CSPP1: variants seen among roughly 807,000 people sequenced by gnomAD.
The protein encoded by CSPP1 is centrosome and spindle pole-associated protein 1.
Under a neutral mutation model 164.4 loss-of-function variants are expected in CSPP1, and 126 were observed. The ratio of observed to expected loss-of-function variants is 0.77; its 90% confidence interval spans 0.66 to 0.89. The LOEUF is 0.89. Among genes scored for constraint, CSPP1 ranks in the 40% least tolerant of loss-of-function variants. CSPP1 has a pLI of 0.00. For synonymous variants in CSPP1, 472 were observed against 476.7 expected (o/e 0.99, Z 0.13); for missense variants, 1,395 against 1,449.8 (o/e 0.96, Z 0.61).
At position 67,153,332 on chromosome 8, in the gene CSPP1, A is replaced by T. The variant is rs1349903399; in HGVS notation, c.2129-692A>T. On this transcript the variant is annotated intron_variant, in intron 18 of 30. Transcript: ENST00000678616. The stretch of plus-strand genomic sequence containing the variant: ...TTTTTTCCCATCTGCATTCAAAGAG[A>T]CTCTAAGGGTATAATTGTTTTTCGA... Among the ~76,000 whole-genome samples the T allele has an allele frequency of 2.4e-4, 36 of 152,052 alleles. 1 individual carries two copies. Among genetic ancestry groups the T allele is most frequent in the Admixed American group, 2.4e-3 (36 of 15,260 alleles).
rs569191136 is a variant in CSPP1 at position 67,074,124 on chromosome 8, T to A, written c.-10-119T>A. 8 of 604,592 alleles carry A rather than the reference T, an allele frequency of 1.3e-5. No homozygotes were observed. The South Asian group carries it at 2.0e-4, about 15-fold the overall frequency. 37.5% of individuals were successfully genotyped at this position (604,592 alleles called of 1,614,324 possible). A position where few individuals can be genotyped will look rare whatever the true frequency, so the allele number is the denominator to read the frequency against. On this transcript the variant is annotated intron_variant, in intron 1 of 30. Coordinates refer to ENST00000678616, the MANE Select transcript of CSPP1 (RefSeq NM_001382391.1). ...AGGCATATTTATGATCAATCTTAAG[T>A]TTGAATTTCTCAATTTGATAAGTGA...
At chr8:67,112,522 C>T (rs1817068918) in intron 10 of CSPP1, among the ~76,000 whole-genome samples, 1 of 152,136 alleles carries the variant, frequency 6.6e-6, no homozygotes, top group Non-Finnish European at 1.5e-5. Context: ...TCTTCATTTT[C>T]TATTAATAGC....
chr8:67,141,103 T>C (rs1392688403), intron 17 of CSPP1, among the ~76,000 whole-genome samples: 1 of 152,192 alleles, frequency 6.6e-6, no homozygotes, highest in Non-Finnish European at 1.5e-5. Context: ...GAGTGAAACA[T>C]TGGAAAACAT....
In CSPP1 at chr8:67,175,367, C is replaced by G. The variant is rs374717800; in HGVS notation, c.3040C>G (p.Gln1014Glu). The change falls in exon 26 of 31, where the codon CAG becomes GAG. Residue 1014 changes from glutamine (Q) to glutamate (E), a missense_variant. Transcript: ENST00000678616. ...AAGAGATCATCACACCTTAGAGATT[C>G]AGCAGCAAGCCCTGCTAAGAGAGCA... ...PPRDHHTLEIQQQALLREQQK... is the reference protein window; with the variant it reads ...PPRDHHTLEIEQQALLREQQK... 5.0e-6 allele frequency: 8 copies of G among 1,613,846 alleles called. No individual in the cohort carries two copies. Among genetic ancestry groups the G allele is most frequent in the African/African-American group, 2.7e-5 (2 of 74,918 alleles).
intron 7 of CSPP1, among the ~76,000 whole-genome samples, chr8:67,102,211 C>T (rs1365503915): frequency 6.6e-6 from 1 of 152,052 alleles, no homozygotes; most frequent in Non-Finnish European, 1.5e-5. Flanking sequence ...AACATTTATT[C>T]TTTCCTGTGA....
chr8:67,172,660 A>G (rs1421068105), intron 25 of CSPP1, 105 bp downstream of exon 25: 8 of 963,484 alleles, frequency 8.3e-6, no homozygotes, highest in South Asian at 2.1e-5. Flanking sequence ...AATTTTATCT[A>G]TGGTATGTAT....
At position 67,164,478 on chromosome 8, in the gene CSPP1, A is replaced by G; in HGVS notation, c.2798A>G (p.His933Arg). 1 of 1,585,912 alleles carries G rather than the reference A, an allele frequency of 6.3e-7. No homozygotes were observed. Among genetic ancestry groups the G allele is most frequent in the South Asian group, 1.1e-5 (1 of 90,238 alleles). ...EERRLQERLL[H>R]MDSDDEIPIR... ...AGGCGTCTACAAGAGCGATTGCTAC[A>G]CATGGACAGTGATGATGAAATTCCT... The change falls in exon 24 of 31, where the codon CAC becomes CGC. Residue 933 changes from histidine (H) to arginine (R), a missense_variant. Coordinates refer to ENST00000678616, the MANE Select transcript of CSPP1 (RefSeq NM_001382391.1).
intron 24 of CSPP1, among the ~76,000 whole-genome samples, chr8:67,166,479 A>G (rs184131100): frequency 8.3e-4 from 126 of 152,262 alleles, no homozygotes; most frequent in Middle Eastern, 6.8e-3. Context: ...TTTTGTTTGT[A>G]TTCTCCAGGA....
chr8:67,108,858 T>C (rs1816224560), intron 9 of CSPP1, among the ~76,000 whole-genome samples: 1 of 152,226 alleles, frequency 6.6e-6, no homozygotes, highest in Non-Finnish European at 1.5e-5. Flanking sequence ...TATAAGAGTG[T>C]GGGATACTGG....
intron 3 of CSPP1, among the ~76,000 whole-genome samples, chr8:67,081,731 T>C (rs184774922): frequency 3.3e-5 from 5 of 152,326 alleles, no homozygotes; most frequent in Admixed American, 2.0e-4. Flanking sequence ...TCTTAAAACA[T>C]GTAGTTTCTC....
chr8:67,196,050 T>C lies in CSPP1; in HGVS notation c.*457T>C, dbSNP rs184004179. The C allele has an allele frequency of 7.8e-6, 1 of 127,808 alleles. No homozygotes were observed. Among genetic ancestry groups the C allele is most frequent in the East Asian group, 2.0e-4 (1 of 5,068 alleles). 7.9% of individuals were successfully genotyped at this position (127,808 alleles called of 1,614,324 possible). The stretch of plus-strand genomic sequence containing the variant: ...CTGTGTGATGCAATCAAATGTCCTA[T>C]TAATTAATTATTATTTCATGTCATT... On this transcript the variant is annotated 3_prime_UTR_variant, in exon 31 of 31. Coordinates refer to ENST00000678616, the MANE Select transcript of CSPP1 (RefSeq NM_001382391.1).
rs1231688896 is a variant in CSPP1, at chr8:67,064,510, A to G, written c.-39A>G. 1 of 1,613,106 alleles carries G rather than the reference A, an allele frequency of 6.2e-7. No individual in the cohort carries two copies. The highest frequency in any genetic ancestry group is 1.3e-5 in the African/African-American group (1 of 74,898). Reference sequence around the variant, plus strand: ...CCGCTCCCCTGAGTAAGAGTCAGCCAGCCGCGGATGGGGAGCGTGAGTGGC... The same window carrying G: ...CCGCTCCCCTGAGTAAGAGTCAGCCGGCCGCGGATGGGGAGCGTGAGTGGC... On this transcript the variant is annotated 5_prime_UTR_variant, in exon 1 of 31. Transcript: ENST00000678616.
At chr8:67,074,565 C>T (rs1237972400) in intron 2 of CSPP1, among the ~76,000 whole-genome samples, 1 of 152,038 alleles carries the variant, frequency 6.6e-6, no homozygotes, top group Admixed American at 6.6e-5. Flanking sequence ...TCTCTTATCT[C>T]TTGTTGAAGA....
intron 28 of CSPP1, among the ~76,000 whole-genome samples, chr8:67,187,086 A>G (rs1202669624): frequency 2.0e-5 from 3 of 152,154 alleles, no homozygotes; most frequent in Non-Finnish European, 2.9e-5. Context: ...AAATAAATGG[A>G]GATATATTTC....
At chr8:67,077,323 T>C (rs1808152839) in intron 3 of CSPP1, among the ~76,000 whole-genome samples, 1 of 151,444 alleles carries the variant, frequency 6.6e-6, no homozygotes, top group African/African-American at 2.4e-5. Context: ...CCAGTCTGTA[T>C]GAATATATAT....
At chr8:67,129,726 T>C (rs570408096) in intron 15 of CSPP1, among the ~76,000 whole-genome samples, 1 of 152,346 alleles carries the variant, frequency 6.6e-6, no homozygotes, top group East Asian at 1.9e-4. Flanking sequence ...ATGAACCTTA[T>C]AAATGTTATG....
intron 3 of CSPP1, among the ~76,000 whole-genome samples, chr8:67,080,300 A>G (rs1388263629): frequency 6.6e-6 from 1 of 152,256 alleles, no homozygotes; most frequent in Non-Finnish European, 1.5e-5. Flanking sequence ...AGTGATATAT[A>G]AACTGGACAT....
In CSPP1 at chr8:67,095,318, C is replaced by A. The variant is rs762548335; in HGVS notation, c.509C>A (p.Pro170His). The A allele has an allele frequency of 8.9e-6, 14 of 1,571,556 alleles. No homozygotes were observed. Among genetic ancestry groups the A allele is most frequent in the Non-Finnish European group, 1.1e-5 (13 of 1,167,140 alleles). The change falls in exon 7 of 31, where the codon CCT becomes CAT. Residue 170 changes from proline (P) to histidine (H), a missense_variant. Physicochemically the swap from Pro to His is moderately conservative, Grantham distance 77. Coordinates refer to ENST00000678616, the MANE Select transcript of CSPP1 (RefSeq NM_001382391.1). ...CCCAAGAGTCAGAGAAATAAAAAAC[C>A]TATTGGTCAAGTTAAGCCTGATCTA... ...TEPKSQRNKK[P>H]IGQVKPDLTS... is the part of the protein sequence containing the mutation.
In CSPP1 at chr8:67,194,699, AAAG is replaced by A. The variant is rs201810184; in HGVS notation, c.3470-680_3470-678del. Among the ~76,000 whole-genome samples, 102 of 151,944 alleles carry A rather than the reference AAAG, an allele frequency of 6.7e-4. 1 individual carries two copies. Among genetic ancestry groups the A allele is most frequent in the South Asian group, 6.5e-3 (31 of 4,804 alleles). On this transcript the variant is annotated intron_variant, in intron 30 of 30. Transcript: ENST00000678616. ...AGACCAGGAGAATTAAAAAAAAAAA[AAAG>A]AATATGATATCACAGGGTAGGAAGA... is the stretch of plus-strand genomic sequence containing the variant.
Sources: gnomAD v4.1 joint callset for allele counts (sites outside exome capture counted in the v4.1 genomes callset) on GRCh38, gnomAD v4.1.1 for gene constraint, MANE v1.5 for transcripts, NCBI Gene and HGNC (gene_info 2026-07-23, HGNC 2026-07-21) for gene names.